The following SLC1A7 variants were observed in gnomAD, a reference collection of about 807,000 sequenced individuals.
The protein encoded by SLC1A7 is solute carrier family 1 member 7, also known as excitatory amino acid transporter 5.
SLC1A7 carries 40 observed loss-of-function variants against 47.7 expected under a neutral mutation model. That is an observed-to-expected ratio of 0.84 (90% CI 0.65 to 1.09). The LOEUF is 1.09. SLC1A7 is among the 50% of genes least tolerant of loss of function. The pLI is 0.00. For synonymous variants in SLC1A7, 323 were observed against 325.6 expected, an observed-to-expected ratio of 0.99 and a Z score of 0.09; for missense variants, 746 against 769.5, an observed-to-expected ratio of 0.97 and a Z score of 0.36.
At position 53,129,852 on chromosome 1, in the gene SLC1A7, C is replaced by CA. The variant is rs1312685534; in HGVS notation, c.215+4497dup. ...ACCAGGCAGAGGTCAGTGTGAAAGA[C>CA]AAGGGGGTCAATGACCTGATCCCCT... On this transcript the variant is annotated intron_variant, in intron 2 of 10. Coordinates refer to ENST00000371494, the MANE Select transcript of SLC1A7 (RefSeq NM_006671.6). Among the ~76,000 whole-genome samples the CA allele has an allele frequency of 2.0e-4, 19 of 97,312 alleles. 4 individuals are homozygous for CA. Among genetic ancestry groups the CA allele is most frequent in the Non-Finnish European group, 1.4e-4 (6 of 43,596 alleles). The allele number at this position is 97,312 out of a possible 152,430, so 63.8% of individuals were successfully genotyped here.
Position 53,093,455 on chromosome 1 carries a change from G to A in SLC1A7, c.797+6C>T. 6.2e-7 allele frequency: 1 copy of A among 1,603,232 alleles called. No individual in the cohort carries two copies. Among genetic ancestry groups the A allele is most frequent in the South Asian group, 1.1e-5 (1 of 89,264 alleles). On this transcript the variant is annotated splice_donor_region_variant and intron_variant, in intron 6 of 10. Transcript: ENST00000371494. Reference sequence around the variant, plus strand: ...CGGGGTGAGGTGGGTAAATGAGGAGGCTTACCACACAGCCACCGCCACGAT... The same window carrying A: ...CGGGGTGAGGTGGGTAAATGAGGAGACTTACCACACAGCCACCGCCACGAT...
chr1:53,089,978 G>A, intron 8 of SLC1A7, 44 bp from the exon 9 acceptor site: 1 of 1,607,894 alleles, frequency 6.2e-7, no homozygotes, highest in East Asian at 2.2e-5. Flanking sequence ...GGAGGGGCAG[G>A]GTGCATTGTC....
At chr1:53,135,415 G>A (rs1572351145) in intron 1 of SLC1A7, among the ~76,000 whole-genome samples, 1 of 152,166 alleles carries the variant, frequency 6.6e-6, no homozygotes, top group Non-Finnish European at 1.5e-5. Context: ...GCTTCTCCTC[G>A]AAAATGCTGA....
intron 5 of SLC1A7, among the ~76,000 whole-genome samples, chr1:53,096,194 T>G (rs1644488134): frequency 2.2e-5 from 3 of 137,574 alleles, no homozygotes; most frequent in Admixed American, 7.3e-5. Flanking sequence ...TGCCCCACGT[T>G]GTTACTTTCA....
At chr1:53,096,246 A>G (rs1235028313) in intron 5 of SLC1A7, among the ~76,000 whole-genome samples, 3 of 148,152 alleles carry the variant, frequency 2.0e-5, no homozygotes, top group African/African-American at 7.5e-5. Flanking sequence ...GCCTTGGTAC[A>G]CTCAAACCAT....
intron 3 of SLC1A7, among the ~76,000 whole-genome samples, chr1:53,106,126 G>C (rs1644637578): frequency 6.6e-6 from 1 of 151,912 alleles, no homozygotes; most frequent in Non-Finnish European, 1.5e-5. Flanking sequence ...CGGCCCTTCT[G>C]TGTGTAGGTC....
chr1:53,113,014 G>A (rs1644716570), intron 3 of SLC1A7, among the ~76,000 whole-genome samples: 1 of 151,610 alleles, frequency 6.6e-6, no homozygotes, highest in African/African-American at 2.4e-5. Context: ...GGCAGAGCAG[G>A]AAAGAGAAAC....
At position 53,140,897 on chromosome 1, in the gene SLC1A7, A is replaced by G. The variant is rs187641536; in HGVS notation, c.135+1418T>C. ...CTGCTCGAGGCTTAACAGGGTCACT[A>G]TAGTCGTGGCTCAGTTCTCCAGGAG... is the stretch of plus-strand genomic sequence containing the variant. On this transcript the variant is annotated intron_variant, in intron 1 of 10. Transcript: ENST00000371494. Among the ~76,000 whole-genome samples, 322 of 152,306 alleles carry G rather than the reference A, an allele frequency of 2.1e-3. 1 individual carries two copies. The highest frequency in any genetic ancestry group is 3.9e-3 in the Non-Finnish European group (265 of 68,020).
chr1:53,103,158 G>T, intron 5 of SLC1A7, 188 bp downstream of exon 5: 2 of 536,926 alleles, frequency 3.7e-6, no homozygotes, highest in Non-Finnish European at 6.5e-6. Context: ...GGTGCCAGGG[G>T]GAAGCCCCTG....
At chr1:53,115,041 T>A (rs1245877557) in intron 2 of SLC1A7, 68 bp from the exon 3 acceptor site, 1 of 1,257,542 alleles carries the variant, frequency 8.0e-7, no homozygotes, top group African/African-American at 1.5e-5. Context: ...CAGCGCTCAC[T>A]CAGCCCCTCC....
chr1:53,114,114 T>G (rs1156636910), intron 3 of SLC1A7, among the ~76,000 whole-genome samples: 1 of 152,094 alleles, frequency 6.6e-6, no homozygotes, highest in African/African-American at 2.4e-5. Flanking sequence ...GAACTGGCAC[T>G]GGTGAGGGAG....
chr1:53,133,421 G>T (rs1258702706), intron 2 of SLC1A7, among the ~76,000 whole-genome samples: 1 of 152,174 alleles, frequency 6.6e-6, no homozygotes, highest in Non-Finnish European at 1.5e-5. Context: ...TTGGCCTGGG[G>T]ATTATCTCCA....
chr1:53,095,738 C>T (rs1237292096), intron 5 of SLC1A7, among the ~76,000 whole-genome samples: 2 of 150,668 alleles, frequency 1.3e-5, no homozygotes, highest in Non-Finnish European at 3.0e-5. Flanking sequence ...CCTCGGTACA[C>T]TCAACTGCCT....
intron 2 of SLC1A7, among the ~76,000 whole-genome samples, chr1:53,133,854 C>T (rs550681793): frequency 3.6e-3 from 86 of 23,756 alleles, no homozygotes; most frequent in African/African-American, 7.1e-3. Context: ...GCTCAGCATA[C>T]ACAACATATA....
rs560701267 is a variant in SLC1A7 at position 53,121,440 on chromosome 1, G to A, written c.216-6467C>T. 2.1e-4 allele frequency among the ~76,000 whole-genome samples: 32 copies of A among 152,364 alleles called. No individual in the cohort carries two copies. The South Asian group carries it at 6.4e-3, about 31-fold the overall frequency. On this transcript the variant is annotated intron_variant, in intron 2 of 10. Transcript: ENST00000371494. ...GAAATCTGGGAAGAGATGGGGGCTT[G>A]GTGAAGGGACAAGGAGCTGAATGTC...
At chr1:53,094,116 C>T (rs893493663) in intron 5 of SLC1A7, among the ~76,000 whole-genome samples, 1 of 152,248 alleles carries the variant, frequency 6.6e-6, no homozygotes, top group Non-Finnish European at 1.5e-5. Context: ...TTCAATATCT[C>T]ACCTCTTAGG....
In SLC1A7 at chr1:53,087,967, C is replaced by T; in HGVS notation, c.*42G>A. 2 of 1,129,182 alleles carry T rather than the reference C, an allele frequency of 1.8e-6. No individual in the cohort carries two copies. The highest frequency in any genetic ancestry group is 2.3e-6 in the Non-Finnish European group (2 of 856,834). The allele number at this position is 1,129,182 out of a possible 1,614,324, so 69.9% of individuals were successfully genotyped here. ...GAGAGTCGAGTTCCTGCCTCAGGACCCTGCCCCTGGAGGCCTCGCCTGCCC... is the reference window on the plus strand; with the variant it reads ...GAGAGTCGAGTTCCTGCCTCAGGACTCTGCCCCTGGAGGCCTCGCCTGCCC... On this transcript the variant is annotated 3_prime_UTR_variant, in exon 11 of 11. Transcript: ENST00000371494.
rs561697474 is a variant in SLC1A7 at position 53,142,128 on chromosome 1, TC to T, written c.135+186del. 9.8e-5 allele frequency among the ~76,000 whole-genome samples: 15 copies of T among 152,316 alleles called. No homozygotes were observed. In the East Asian group the frequency reaches 2.9e-3, roughly 29 times the overall value. Reference sequence around the variant, plus strand: ...ACTCCCCAGCCACATCACTGGTTCTTCCCTCTAGTCCTGCAAAGTGTTTATC... The same window carrying T: ...ACTCCCCAGCCACATCACTGGTTCTTCCTCTAGTCCTGCAAAGTGTTTATC... On this transcript the variant is annotated intron_variant, in intron 1 of 10. Coordinates refer to ENST00000371494, the MANE Select transcript of SLC1A7 (RefSeq NM_006671.6).
intron 4 of SLC1A7, among the ~76,000 whole-genome samples, chr1:53,105,018 T>G (rs952485884): frequency 6.6e-6 from 1 of 152,158 alleles, no homozygotes; most frequent in African/African-American, 2.4e-5. Flanking sequence ...ATTGTACTTT[T>G]AAGAAATATT....
Sources: gnomAD v4.1 joint callset for allele counts (sites outside exome capture counted in the v4.1 genomes callset) on GRCh38, gnomAD v4.1.1 for gene constraint, MANE v1.5 for transcripts, NCBI Gene and HGNC (gene_info 2026-07-23, HGNC 2026-07-21) for gene names.